The following CUBN variants were observed in gnomAD, a reference collection of about 807,000 sequenced individuals.
CUBN encodes 460 kDa receptor.
In CUBN, 282 loss-of-function variants were observed where a neutral mutation model predicts 405.3. The observed-to-expected ratio is 0.70, with a 90% CI of 0.63 to 0.77. CUBN has a LOEUF of 0.77. CUBN is among the 30% of genes least tolerant of loss of function. CUBN has a pLI of 0.00. For synonymous variants in CUBN, 1,684 were observed against 1,617.0 expected (o/e 1.04, Z -0.99); for missense variants, 4,514 against 4,475.2 (o/e 1.01, Z -0.25).
chr10:17,002,156 T>C (rs910000106), intron 28 of CUBN, among the ~76,000 whole-genome samples: 1 of 152,202 alleles, frequency 6.6e-6, no homozygotes, highest in Non-Finnish European at 1.5e-5. Flanking sequence ...ATTCAGGTTC[T>C]ACGCTGAACG....
intron 51 of CUBN, among the ~76,000 whole-genome samples, chr10:16,901,936 C>CACA (rs1564413067): frequency 8.2e-6 from 1 of 122,328 alleles, no homozygotes; most frequent in African/African-American, 3.2e-5. Context: ...CACACACACA[C>CACA]CATATATAGT....
At chr10:16,889,384 C>G (rs569857057) in intron 55 of CUBN, among the ~76,000 whole-genome samples, 94 of 152,276 alleles carry the variant, frequency 6.2e-4, no homozygotes, top group African/African-American at 2.1e-3. Flanking sequence ...AAACTTTTCC[C>G]TAAACAGTGG....
At chr10:16,872,428 G>A (rs574074975) in intron 58 of CUBN, among the ~76,000 whole-genome samples, 1 of 151,732 alleles carries the variant, frequency 6.6e-6, no homozygotes, top group Non-Finnish European at 1.5e-5. Flanking sequence ...GTATACCATG[G>A]TTGGAATGTT....
intron 31 of CUBN, among the ~76,000 whole-genome samples, chr10:16,965,458 C>A (rs1311893861): frequency 6.6e-6 from 1 of 151,900 alleles, no homozygotes; most frequent in African/African-American, 2.4e-5. Context: ...AATCAAAACC[C>A]TGGGGTGATT....
intron 6 of CUBN, among the ~76,000 whole-genome samples, chr10:17,118,470 G>A (rs1032636857): frequency 6.6e-6 from 1 of 152,136 alleles, no homozygotes; most frequent in Non-Finnish European, 1.5e-5. Context: ...TTGAGACAGG[G>A]TCTTGTGCCC....
chr10:16,979,534 G>A (rs188429919), intron 31 of CUBN, among the ~76,000 whole-genome samples: 108 of 152,104 alleles, frequency 7.1e-4, no homozygotes, highest in African/African-American at 2.4e-3. Flanking sequence ...CAGAAATAAC[G>A]CCACACATCT....
chr10:16,938,818 T>A, intron 38 of CUBN, 145 bp downstream of exon 38: 1 of 709,232 alleles, frequency 1.4e-6, no homozygotes, highest in South Asian at 1.6e-5. Flanking sequence ...GTCCATGTAA[T>A]CTAGAGGCAG....
At chr10:17,021,283 T>C (rs981262504) in intron 27 of CUBN, among the ~76,000 whole-genome samples, 5 of 152,200 alleles carry the variant, frequency 3.3e-5, no homozygotes, top group Non-Finnish European at 5.9e-5. Flanking sequence ...TTATCAGCTG[T>C]ATATCTCCAA....
intron 27 of CUBN, among the ~76,000 whole-genome samples, chr10:17,039,829 G>A (rs1378494329): frequency 6.6e-6 from 1 of 151,990 alleles, no homozygotes; most frequent in Non-Finnish European, 1.5e-5. Context: ...TTGTACTTTT[G>A]TAAATATAAG....
intron 59 of CUBN, among the ~76,000 whole-genome samples, chr10:16,866,599 T>G (rs17426584): frequency 6.6e-6 from 1 of 152,320 alleles, no homozygotes; most frequent in South Asian, 2.1e-4. Flanking sequence ...TGATGCAAAC[T>G]ATGAACTCGG....
intron 54 of CUBN, among the ~76,000 whole-genome samples, chr10:16,894,191 G>A (rs1378688179): frequency 6.6e-6 from 1 of 152,126 alleles, no homozygotes; most frequent in East Asian, 1.9e-4. Context: ...ATTTCACATG[G>A]CATAAGATTT....
At chr10:17,116,271 A>C (rs1384343287) in intron 6 of CUBN, among the ~76,000 whole-genome samples, 1 of 152,226 alleles carries the variant, frequency 6.6e-6, no homozygotes, top group Non-Finnish European at 1.5e-5. Context: ...ATAATCAAAT[A>C]AGCAATGTTG....
intron 27 of CUBN, among the ~76,000 whole-genome samples, chr10:17,039,084 C>A (rs975378436): frequency 6.6e-5 from 10 of 151,886 alleles, no homozygotes; most frequent in African/African-American, 2.4e-4. Context: ...TTTCCTCCCC[C>A]CTCTTTCTGC....
chr10:16,950,182 C>T (rs1057282155), intron 33 of CUBN, 71 bp from the exon 34 acceptor site: 11 of 1,047,012 alleles, frequency 1.1e-5, no homozygotes, highest in South Asian at 4.0e-5. Flanking sequence ...TGGGGCAAGA[C>T]GGGGAGGTGG....
intron 48 of CUBN, 39 bp downstream of exon 48, chr10:16,913,772 T>C (rs1841799529): frequency 6.2e-7 from 1 of 1,610,580 alleles, no homozygotes; most frequent in Non-Finnish European, 8.5e-7. Context: ...ACTCTTTAAA[T>C]GATGGAATAT....
intron 27 of CUBN, among the ~76,000 whole-genome samples, chr10:17,034,295 C>T (rs1490806968): frequency 6.6e-6 from 1 of 152,180 alleles, no homozygotes; most frequent in Non-Finnish European, 1.5e-5. Flanking sequence ...GTGAATCTGA[C>T]ATTTTTAATA....
At chr10:16,852,345 CTCTA>C (rs1277252014) in intron 59 of CUBN, among the ~76,000 whole-genome samples, 22 of 131,836 alleles carry the variant, frequency 1.7e-4, no homozygotes, top group African/African-American at 7.5e-4. Context: ...CCCTCCCTCC[CTCTA>C]TCTTTCCCTC....
At position 16,841,037 on chromosome 10, in the gene CUBN, C is replaced by T; in HGVS notation, c.9674G>A (p.Gly3225Glu). 1.9e-6 allele frequency: 3 copies of T among 1,613,930 alleles called. No homozygotes were observed. In the South Asian group the frequency reaches 3.3e-5, roughly 18 times the overall value. The change falls in exon 61 of 67, where the codon GGG becomes GAG. Residue 3225 changes from glycine (G) to glutamate (E), a missense_variant. By Grantham distance (98) the Gly-to-Glu change is moderately conservative. Transcript: ENST00000377833. The part of the protein sequence containing the change: ...CLYDYVKLYD[G>E]DSENANLAGT... ...AGCCAAGTTCGCATTTTCACTATCC[C>T]CATCATATAACTGAGAAGAAAAACA...
At position 17,046,050 on chromosome 10, in the gene CUBN, C is replaced by T; in HGVS notation, c.3374G>A (p.Gly1125Asp). ...EKSPLLGIFY[G>D]SNLPPTIISH... is the part of the protein sequence containing the mutation. ...GATGATTGTTGGGGGTAGATTTGAG[C>T]CATAGAATATTCCCAGCAATGGTGA... Residue 1125 changes from glycine (G) to aspartate (D), a missense_variant, in exon 24 of 67, where the codon GGC (glycine) becomes GAC (aspartate). By Grantham distance (94) the Gly-to-Asp change is moderately conservative. Coordinates refer to ENST00000377833, the MANE Select transcript of CUBN (RefSeq NM_001081.4). 1 of 1,613,708 alleles carries T rather than the reference C, an allele frequency of 6.2e-7. No individual in the cohort carries two copies. Among genetic ancestry groups the T allele is most frequent in the Non-Finnish European group, 8.5e-7 (1 of 1,179,770 alleles).
Sources: allele counts gnomAD v4.1 joint callset (sites outside exome capture counted in the v4.1 genomes callset), GRCh38; gene constraint gnomAD v4.1.1; transcripts MANE v1.5; gene names NCBI Gene and HGNC (gene_info 2026-07-23, HGNC 2026-07-21).